The following PHF21B variants were observed in gnomAD, a reference collection of about 807,000 sequenced individuals.
The protein encoded by PHF21B is PHD finger protein 21B.
PHF21B carries 22 observed loss-of-function variants against 62.2 expected under a neutral mutation model. The ratio of observed to expected loss-of-function variants is 0.35; its 90% confidence interval spans 0.25 to 0.51. The LOEUF (loss-of-function observed/expected upper bound fraction) is 0.51, where lower values mean the gene tolerates loss of function less well. Among genes scored for constraint, PHF21B ranks in the 20% least tolerant of loss-of-function variants. The pLI, the probability that PHF21B is intolerant of heterozygous loss-of-function variation, is 0.97. For synonymous variants in PHF21B, 341 were observed against 314.7 expected, an observed-to-expected ratio of 1.08 and a Z score of -0.88; for missense variants, 701 against 707.9, an observed-to-expected ratio of 0.99 and a Z score of 0.11.
At chr22:44,911,557 G>A (rs1436697441) in intron 5 of PHF21B, among the ~76,000 whole-genome samples, 2 of 152,210 alleles carry the variant, frequency 1.3e-5, no homozygotes, top group East Asian at 1.9e-4. Flanking sequence ...TGCTTCAGAG[G>A]GTGGAAGCAC....
intron 2 of PHF21B, among the ~76,000 whole-genome samples, chr22:44,961,385 C>G (rs1218834912): frequency 6.6e-6 from 1 of 152,138 alleles, no homozygotes; most frequent in Non-Finnish European, 1.5e-5. Context: ...GCACAGTACC[C>G]AACAGGTTTT....
chr22:44,977,817 C>CCTCA (rs1202280518), intron 2 of PHF21B, among the ~76,000 whole-genome samples: 2 of 150,968 alleles, frequency 1.3e-5, no homozygotes, highest in African/African-American at 4.9e-5. Flanking sequence ...GAACTCCTGG[C>CCTCA]CTCAAGTAAT....
chr22:44,922,080 C>G (rs2071548411), intron 2 of PHF21B, among the ~76,000 whole-genome samples: 1 of 152,248 alleles, frequency 6.6e-6, no homozygotes, highest in Non-Finnish European at 1.5e-5. Context: ...GAGGTTCTCT[C>G]TTGATCTCAG....
In PHF21B at chr22:44,922,942, C is replaced by CT. The variant is rs57982230; in HGVS notation, c.121-2453dup. Among the ~76,000 whole-genome samples, 7 of 151,728 alleles carry CT rather than the reference C, an allele frequency of 4.6e-5. No individual in the cohort carries two copies. In the South Asian group the frequency reaches 6.2e-4, roughly 14 times the overall value. ...AACCTCAAATCAAAATCTCAGTCAGCTTTTTTTTAAAAAAATAGAAATTGA... is the reference window on the plus strand; with the variant it reads ...AACCTCAAATCAAAATCTCAGTCAGCTTTTTTTTTAAAAAAATAGAAATTGA... On this transcript the variant is annotated intron_variant, in intron 2 of 12. Coordinates refer to ENST00000313237, the MANE Select transcript of PHF21B (RefSeq NM_138415.5).
At chr22:44,965,601 C>T (rs536112693) in intron 2 of PHF21B, among the ~76,000 whole-genome samples, 1 of 152,292 alleles carries the variant, frequency 6.6e-6, no homozygotes, top group South Asian at 2.1e-4. Context: ...TTCCCAGCAC[C>T]CCGAGCTGAG....
At chr22:44,965,304 C>G (rs974275444) in intron 2 of PHF21B, among the ~76,000 whole-genome samples, 46 of 152,040 alleles carry the variant, frequency 3.0e-4, no homozygotes, top group Non-Finnish European at 1.2e-4. Flanking sequence ...CTCCCAGCCT[C>G]TTCCCCTCTG....
intron 5 of PHF21B, among the ~76,000 whole-genome samples, chr22:44,913,491 C>T (rs2071380245): frequency 6.6e-6 from 1 of 152,248 alleles, no homozygotes; most frequent in Non-Finnish European, 1.5e-5. Flanking sequence ...GAGGCCCTGC[C>T]ATTCCCACCT....
At chr22:44,919,633 T>C (rs1471382314) in intron 3 of PHF21B, among the ~76,000 whole-genome samples, 1 of 152,248 alleles carries the variant, frequency 6.6e-6, no homozygotes, top group African/African-American at 2.4e-5. Flanking sequence ...AGGGGCCATC[T>C]TGGTCTTTAC....
In PHF21B at chr22:44,893,496, G is replaced by A. The variant is rs754488131; in HGVS notation, c.921C>T (p.Ser307=). The A allele has an allele frequency of 3.7e-6, 6 of 1,604,332 alleles. No individual in the cohort carries two copies. The highest frequency in any genetic ancestry group is 1.1e-5 in the South Asian group (1 of 88,852). Residue 307 remains serine, a synonymous_variant, in exon 7 of 13, where the codon AGC becomes AGT. Coordinates refer to ENST00000313237, the MANE Select transcript of PHF21B (RefSeq NM_138415.5). ...QSKRQERKRR[S]TANPAYSGLL... ...GGCCGCTGTAGGCAGGGTTGGCTGTGCTTCTTCTCTTCCGCTCCTGTCGCT... is the reference window on the plus strand; with the variant it reads ...GGCCGCTGTAGGCAGGGTTGGCTGTACTTCTTCTCTTCCGCTCCTGTCGCT...
intron 2 of PHF21B, among the ~76,000 whole-genome samples, chr22:44,923,331 C>CAAAAAAAAAAAAA: frequency 8.0e-6 from 1 of 125,112 alleles, no homozygotes; most frequent in South Asian, 2.5e-4. Flanking sequence ...CATACCATAT[C>CAAAAAAAAAAAAA]AAAAAAAAAA....
At chr22:44,955,491 C>A (rs1481820904) in intron 2 of PHF21B, among the ~76,000 whole-genome samples, 1 of 152,194 alleles carries the variant, frequency 6.6e-6, no homozygotes, top group Admixed American at 6.5e-5. Context: ...TAGGTAGACC[C>A]AGCAAAGAGA....
chr22:44,946,846 G>A (rs556171798), intron 2 of PHF21B, among the ~76,000 whole-genome samples: 444 of 152,304 alleles, frequency 2.9e-3, no homozygotes, highest in Middle Eastern at 6.8e-3. Flanking sequence ...GGAACCTTTG[G>A]TGACACTGTG....
intron 2 of PHF21B, among the ~76,000 whole-genome samples, chr22:44,992,462 G>A (rs1219898714): frequency 2.0e-5 from 3 of 152,248 alleles, no homozygotes; most frequent in South Asian, 2.1e-4. Flanking sequence ...CTGCTCCACC[G>A]CTGGCTGATG....
chr22:44,917,601 C>T (rs2071461533), intron 3 of PHF21B, among the ~76,000 whole-genome samples: 1 of 152,208 alleles, frequency 6.6e-6, no homozygotes, highest in Non-Finnish European at 1.5e-5. Flanking sequence ...GCAGGGTGGC[C>T]ATCCTGGCCT....
At position 44,972,431 on chromosome 22, in the gene PHF21B, G is replaced by A. The variant is rs149783353; in HGVS notation, c.120+36114C>T. Among the ~76,000 whole-genome samples the A allele has an allele frequency of 1.3e-3, 196 of 152,354 alleles. 1 individual carries two copies. Among genetic ancestry groups the A allele is most frequent in the African/African-American group, 4.6e-3 (190 of 41,580 alleles). Reference sequence around the variant, plus strand: ...AGAAGCTTGAAACCAAGTGTTGGCGGACGCTGCTGCTCAGTGGAACGAGGA... The same window carrying A: ...AGAAGCTTGAAACCAAGTGTTGGCGAACGCTGCTGCTCAGTGGAACGAGGA... On this transcript the variant is annotated intron_variant, in intron 2 of 12. Coordinates refer to ENST00000313237, the MANE Select transcript of PHF21B (RefSeq NM_138415.5).
chr22:44,897,287 C>T (rs1007979579), intron 5 of PHF21B, among the ~76,000 whole-genome samples: 2 of 152,042 alleles, frequency 1.3e-5, no homozygotes, highest in African/African-American at 4.8e-5. Context: ...TCTAGAATGG[C>T]CCCCGAGCCC....
At chr22:44,968,426 T>C (rs2072572261) in intron 2 of PHF21B, among the ~76,000 whole-genome samples, 1 of 152,080 alleles carries the variant, frequency 6.6e-6, no homozygotes, top group African/African-American at 2.4e-5. Context: ...GGCAGATCAC[T>C]TGAGGTCAGG....
chr22:44,921,146 GCCC>G (rs1159071469), intron 2 of PHF21B, among the ~76,000 whole-genome samples: 1 of 152,128 alleles, frequency 6.6e-6, no homozygotes, highest in African/African-American at 2.4e-5. Context: ...CCAAATCCCA[GCCC>G]CCCAATATGG....
At chr22:44,891,733 G>A (rs2070969613) in intron 7 of PHF21B, among the ~76,000 whole-genome samples, 1 of 152,222 alleles carries the variant, frequency 6.6e-6, no homozygotes, top group African/African-American at 2.4e-5. Flanking sequence ...GAGTCAGGTG[G>A]AAAAATGGGT....
Sources: allele counts gnomAD v4.1 joint callset (sites outside exome capture counted in the v4.1 genomes callset), GRCh38; gene constraint gnomAD v4.1.1; transcripts MANE v1.5; gene names NCBI Gene and HGNC (gene_info 2026-07-23, HGNC 2026-07-21).